DGKI: variants seen among roughly 807,000 people sequenced by gnomAD.
DGKI encodes the protein diacylglycerol kinase iota.
In DGKI, 55 loss-of-function variants were observed where a neutral mutation model predicts 147.5. The observed-to-expected ratio is 0.37, with a 90% CI of 0.30 to 0.47. The LOEUF is 0.47. Among genes scored for constraint, DGKI ranks in the 20% least tolerant of loss-of-function variants. The pLI, the probability that DGKI is intolerant of heterozygous loss-of-function variation, is 1.00. For missense variants in DGKI, 1,007 were observed against 1,323.8 expected (o/e 0.76, Z 3.71); for synonymous variants, 469 against 477.1 (o/e 0.98, Z 0.22).
At position 137,846,608 on chromosome 7, in the gene DGKI, G is replaced by T; in HGVS notation, c.255C>A (p.Gly85=). The T allele has an allele frequency of 9.1e-7, 1 of 1,098,028 alleles. No homozygotes were observed. The highest frequency in any genetic ancestry group is 1.1e-6 in the Non-Finnish European group (1 of 907,918). 68.0% of individuals were successfully genotyped at this position (1,098,028 alleles called of 1,614,324 possible). The change falls in exon 1 of 33, where the codon GGC becomes GGA. Residue 85 remains glycine, a synonymous_variant. Transcript: ENST00000614521. The surrounding 1 kb of genome is among the most constrained non-coding windows in gnomAD (Gnocchi z 4.0). The part of the protein sequence containing the change: ...GAGSCCLGAE[G]GADPRGAGSA... ...ACCCTGCGCCCCGCGGGTCCGCGCC[G>T]CCCTCGGCGCCCAGGCAGCAGCTCC...
At chr7:137,485,519 G>T in intron 22 of DGKI, 101 bp from the exon 23 acceptor site, 1 of 875,996 alleles carries the variant, frequency 1.1e-6, no homozygotes, top group Non-Finnish European at 1.8e-6. Context: ...ATATTACTAT[G>T]CTCATCTGGA....
At chr7:137,538,634 C>T (rs769448663) in intron 20 of DGKI, among the ~76,000 whole-genome samples, 8 of 152,312 alleles carry the variant, frequency 5.3e-5, no homozygotes, top group Non-Finnish European at 1.0e-4. Context: ...CTATGACACT[C>T]GCTGAGTCAC....
chr7:137,745,060 T>C (rs1795283759), intron 1 of DGKI, among the ~76,000 whole-genome samples: 1 of 152,096 alleles, frequency 6.6e-6, no homozygotes, highest in African/African-American at 2.4e-5. Context: ...AATATACCCA[T>C]GTAACAAATC....
intron 6 of DGKI, among the ~76,000 whole-genome samples, chr7:137,626,322 G>GACACACAC (rs111591226): frequency 6.4e-4 from 89 of 139,134 alleles, no homozygotes; most frequent in African/African-American, 1.2e-3. Flanking sequence ...AAGTGCTTCT[G>GACACACAC]ACACACACAC....
At chr7:137,774,820 G>A (rs1248964344) in intron 1 of DGKI, 1 of 152,114 alleles carries the variant, frequency 6.6e-6, no homozygotes, top group East Asian at 1.9e-4. Flanking sequence ...TTGTGTTAAG[G>A]TCCTATATGA....
Position 137,813,204 on chromosome 7 carries a change from A to G in DGKI, c.401+33258T>C, listed in dbSNP as rs756783419. ...GCTAGTGCTCACTGGTCTCATCAGC[A>G]CTGCTAAGACAAAGTGCAGACAGTC... On this transcript the variant is annotated intron_variant, in intron 1 of 32. Transcript: ENST00000614521. 3.5e-4 allele frequency among the ~76,000 whole-genome samples: 53 copies of G among 152,340 alleles called. 1 individual carries two copies. The highest frequency in any genetic ancestry group is 3.4e-3 in the Middle Eastern group (1 of 294).
intron 21 of DGKI, among the ~76,000 whole-genome samples, chr7:137,489,469 T>C (rs932809924): frequency 6.6e-6 from 1 of 152,162 alleles, no homozygotes; most frequent in African/African-American, 2.4e-5. Context: ...GTTTTCAGCA[T>C]GGCAATCATG....
At chr7:137,437,879 A>G (rs902723743) in intron 28 of DGKI, among the ~76,000 whole-genome samples, 17 of 152,186 alleles carry the variant, frequency 1.1e-4, no homozygotes, top group African/African-American at 4.1e-4. Flanking sequence ...TGAAATAGCT[A>G]GTTATGTATA....
At chr7:137,807,508 G>GCT (rs1416664237) in intron 1 of DGKI, among the ~76,000 whole-genome samples, 4 of 152,152 alleles carry the variant, frequency 2.6e-5, no homozygotes, top group Admixed American at 2.0e-4. Flanking sequence ...ACAGGAGAGC[G>GCT]CTAAATAGGG....
At chr7:137,824,466 A>G (rs1350991235) in intron 1 of DGKI, among the ~76,000 whole-genome samples, 1 of 151,098 alleles carries the variant, frequency 6.6e-6, no homozygotes, top group Non-Finnish European at 1.5e-5. Context: ...CAGTGAGCCA[A>G]GATTGTGCCA....
chr7:137,517,485 T>C (rs935496778), intron 21 of DGKI, among the ~76,000 whole-genome samples: 26 of 151,966 alleles, frequency 1.7e-4, no homozygotes, highest in Admixed American at 1.6e-3. Context: ...TAGGGAGCTA[T>C]GACAACTCAA....
intron 1 of DGKI, among the ~76,000 whole-genome samples, chr7:137,824,907 G>A (rs10254224): frequency 0.22 from 33,560 of 152,130 alleles, 8,843 homozygotes; most frequent in African/African-American, 0.64. Context: ...TTTTATGGCT[G>A]CATAGTACTC....
At chr7:137,641,502 T>C (rs942847046) in intron 6 of DGKI, among the ~76,000 whole-genome samples, 5 of 152,246 alleles carry the variant, frequency 3.3e-5, no homozygotes, top group African/African-American at 1.2e-4. Flanking sequence ...GTAAAAACGT[T>C]GTTTCATGCA....
intron 1 of DGKI, among the ~76,000 whole-genome samples, chr7:137,820,896 G>GT (rs1372617180): frequency 6.6e-6 from 1 of 152,124 alleles, no homozygotes; most frequent in Non-Finnish European, 1.5e-5. Context: ...GGAGTCTCTA[G>GT]TTTCGGCCCC....
intron 27 of DGKI, among the ~76,000 whole-genome samples, chr7:137,448,346 A>G: frequency 6.6e-6 from 1 of 151,830 alleles, no homozygotes; most frequent in Non-Finnish European, 1.5e-5. Flanking sequence ...ATTACAAGTA[A>G]TAACAGAAAA....
chr7:137,619,140 A>G (rs1022895394), intron 8 of DGKI, among the ~76,000 whole-genome samples: 1 of 152,208 alleles, frequency 6.6e-6, no homozygotes, highest in Non-Finnish European at 1.5e-5. Flanking sequence ...CATAACTTGA[A>G]GCTAACTGTC....
chr7:137,827,955 C>T (rs1798107439), intron 1 of DGKI, among the ~76,000 whole-genome samples: 1 of 152,214 alleles, frequency 6.6e-6, no homozygotes, highest in Non-Finnish European at 1.5e-5. Flanking sequence ...ATCTTCTCTT[C>T]CTCCTTCAAG....
intron 30 of DGKI, among the ~76,000 whole-genome samples, chr7:137,407,036 G>C (rs1471317846): frequency 6.6e-6 from 1 of 151,524 alleles, no homozygotes; most frequent in African/African-American, 2.4e-5. Flanking sequence ...CAGGCTGACT[G>C]TCAGGGCTCA....
At chr7:137,608,604 T>C (rs1820261466) in intron 10 of DGKI, among the ~76,000 whole-genome samples, 1 of 151,942 alleles carries the variant, frequency 6.6e-6, no homozygotes, top group Non-Finnish European at 1.5e-5. Context: ...TAGAAAGAAA[T>C]AAAAAGAAGT....
Sources: allele counts gnomAD v4.1 joint callset (sites outside exome capture counted in the v4.1 genomes callset), GRCh38; gene constraint gnomAD v4.1.1; non-coding constraint Gnocchi (gnomAD v3.1); transcripts MANE v1.5; gene names NCBI Gene and HGNC (gene_info 2026-07-23, HGNC 2026-07-21).